Variants in PTPRD observed in about 807,000 individuals in gnomAD.
The protein encoded by PTPRD is receptor-type tyrosine-protein phosphatase delta.
Under a neutral mutation model 214.5 loss-of-function variants are expected in PTPRD, and 34 were observed. The ratio of observed to expected loss-of-function variants is 0.16; its 90% CI spans 0.12 to 0.21. The LOEUF (loss-of-function observed/expected upper bound fraction) is 0.21, where lower values mean the gene tolerates loss of function less well. Ranked by LOEUF, PTPRD falls within the 10% of genes least tolerant of loss-of-function variation. The pLI, the probability that PTPRD is intolerant of heterozygous loss-of-function variation, is 1.00. For missense variants in PTPRD, 2,545 were observed against 2,398.7 expected, an observed-to-expected ratio of 1.06 and a Z score of -1.27; for synonymous variants, 1,128 against 845.7, an observed-to-expected ratio of 1.33 and a Z score of -5.79.
chr9:8,913,899 T>A (rs1333887717), intron 11 of PTPRD, among the ~76,000 whole-genome samples: 1 of 152,166 alleles, frequency 6.6e-6, no homozygotes, highest in Non-Finnish European at 1.5e-5. Context: ...CATTTATTTG[T>A]CTATTCAACA....
chr9:10,278,041 T>C (rs1225399639), intron 3 of PTPRD, among the ~76,000 whole-genome samples: 2 of 151,948 alleles, frequency 1.3e-5, no homozygotes, highest in African/African-American at 4.8e-5. Context: ...ACGCCTGTAG[T>C]CCCAGCTACT....
intron 5 of PTPRD, among the ~76,000 whole-genome samples, chr9:9,835,870 T>G (rs1161514913): frequency 2.0e-5 from 3 of 151,960 alleles, no homozygotes; most frequent in Admixed American, 1.3e-4. Context: ...TTATGGAGAG[T>G]AGTCAATCAT....
intron 26 of PTPRD, among the ~76,000 whole-genome samples, 169 bp downstream of exon 26, chr9:8,497,073 A>G (rs2097292079): frequency 6.6e-6 from 1 of 152,212 alleles, no homozygotes; most frequent in Admixed American, 6.5e-5. Context: ...ATTTCACAAA[A>G]CAAAAACCAA....
chr9:9,421,006 C>T (rs183955121), intron 8 of PTPRD, among the ~76,000 whole-genome samples: 52 of 151,820 alleles, frequency 3.4e-4, no homozygotes, highest in Non-Finnish European at 5.6e-4. Context: ...ATGCCTTGTC[C>T]ATAATAGAAA....
At chr9:9,335,076 T>A (rs147254643) in intron 9 of PTPRD, among the ~76,000 whole-genome samples, 10 of 152,156 alleles carry the variant, frequency 6.6e-5, no homozygotes, top group African/African-American at 2.4e-4. Context: ...TAACTGCAGC[T>A]CAGACTAATA....
intron 5 of PTPRD, among the ~76,000 whole-genome samples, chr9:9,875,737 TA>T (rs2066664430): frequency 6.6e-6 from 1 of 152,114 alleles, no homozygotes; most frequent in Admixed American, 6.6e-5. Flanking sequence ...TTTGGAATAT[TA>T]ACCCTTTATA....
chr9:8,588,007 C>G lies in PTPRD; in HGVS notation c.352+45310G>C, dbSNP rs544465894. 3.4e-4 allele frequency among the ~76,000 whole-genome samples: 52 copies of G among 152,344 alleles called. No homozygotes were observed. The South Asian group carries it at 9.7e-3, about 29-fold the overall frequency. ...CTTCAACAATCTACCAGCCAATGGGCAATTCTCCTCAGAACACATGCAGCT... is the reference window on the plus strand; with the variant it reads ...CTTCAACAATCTACCAGCCAATGGGGAATTCTCCTCAGAACACATGCAGCT... On this transcript the variant is annotated intron_variant, in intron 14 of 45. Transcript: ENST00000381196.
At chr9:8,764,919 G>A (rs1013448690) in intron 11 of PTPRD, among the ~76,000 whole-genome samples, 14 of 151,716 alleles carry the variant, frequency 9.2e-5, no homozygotes, top group Admixed American at 6.6e-4. Flanking sequence ...CTCATGATTG[G>A]GCATGAGGAT....
intron 11 of PTPRD, among the ~76,000 whole-genome samples, chr9:9,010,235 C>T (rs1263064396): frequency 6.6e-6 from 1 of 152,124 alleles, no homozygotes; most frequent in East Asian, 1.9e-4. Flanking sequence ...CCAATATTTT[C>T]CAAGCCTAAA....
At chr9:8,675,213 C>T (rs1318123445) in intron 12 of PTPRD, among the ~76,000 whole-genome samples, 2 of 152,070 alleles carry the variant, frequency 1.3e-5, no homozygotes, top group Non-Finnish European at 2.9e-5. Flanking sequence ...CCTTTCTCCC[C>T]TATGTGTCTT....
intron 25 of PTPRD, among the ~76,000 whole-genome samples, chr9:8,498,578 G>C (rs1007763007): frequency 3.3e-5 from 5 of 152,164 alleles, no homozygotes; most frequent in African/African-American, 1.2e-4. Flanking sequence ...TTTTCAACTT[G>C]CTTCATAACC....
chr9:10,084,127 A>C (rs1370660825), intron 3 of PTPRD, among the ~76,000 whole-genome samples: 2 of 152,036 alleles, frequency 1.3e-5, no homozygotes, highest in African/African-American at 4.8e-5. Context: ...ACTAAGTGAC[A>C]TAAGTTAAAA....
chr9:8,578,341 G>A (rs986419349), intron 14 of PTPRD, among the ~76,000 whole-genome samples: 1 of 152,058 alleles, frequency 6.6e-6, no homozygotes, highest in Non-Finnish European at 1.5e-5. Context: ...ACTGTTGATC[G>A]AACAGAGCCC....
rs185340091 is a variant in PTPRD at position 9,132,892 on chromosome 9, G to A, written c.-143+50412C>T. On this transcript the variant is annotated intron_variant, in intron 10 of 45. Coordinates refer to ENST00000381196, the MANE Select transcript of PTPRD (RefSeq NM_002839.4). ...GTGCTATATAAAAGAAGGAGAATGT[G>A]TTGATGCTGAGAATAGGGATGGCAT... Among the ~76,000 whole-genome samples the A allele has an allele frequency of 2.3e-3, 347 of 152,304 alleles. 2 individuals carry two copies. The highest frequency in any genetic ancestry group is 2.5e-3 in the Non-Finnish European group (172 of 68,020).
At chr9:9,186,560 G>A (rs552252428) in intron 9 of PTPRD, among the ~76,000 whole-genome samples, 1 of 151,558 alleles carries the variant, frequency 6.6e-6, no homozygotes, top group Admixed American at 6.6e-5. Context: ...GTAGTGAGCT[G>A]TAATGGTACC....
intron 3 of PTPRD, among the ~76,000 whole-genome samples, chr9:10,191,688 C>T (rs958799342): frequency 4.6e-5 from 7 of 152,154 alleles, no homozygotes; most frequent in Admixed American, 1.3e-4. Context: ...GTGACCCTCT[C>T]GTTCCACTTC....
intron 12 of PTPRD, among the ~76,000 whole-genome samples, chr9:8,650,035 A>G: frequency 6.6e-6 from 1 of 152,112 alleles, no homozygotes; most frequent in East Asian, 1.9e-4. Flanking sequence ...CTCCCAGCTC[A>G]AACTCCCGAG....
At chr9:9,428,080 T>C (rs981394256) in intron 8 of PTPRD, among the ~76,000 whole-genome samples, 15 of 152,064 alleles carry the variant, frequency 9.9e-5, no homozygotes, top group African/African-American at 3.6e-4. Flanking sequence ...CTTAAATGTA[T>C]ATGGGCTAAA....
At chr9:10,598,664 TTA>T (rs151215633) in intron 2 of PTPRD, among the ~76,000 whole-genome samples, 6 of 120,112 alleles carry the variant, frequency 5.0e-5, no homozygotes, top group African/African-American at 1.2e-4. Context: ...TGAACCATTT[TTA>T]TATATGTATG....
Sources: allele counts gnomAD v4.1 joint callset (sites outside exome capture counted in the v4.1 genomes callset), GRCh38; gene constraint gnomAD v4.1.1; transcripts MANE v1.5; gene names NCBI Gene and HGNC (gene_info 2026-07-23, HGNC 2026-07-21).